IL1RAPL2: variants seen among roughly 807,000 people sequenced by gnomAD.
IL1RAPL2 encodes X-linked interleukin-1 receptor accessory protein-like 2.
A neutral mutation model predicts 44.1 loss-of-function variants in IL1RAPL2; 3 were observed. That is an observed-to-expected ratio of 0.07 (90% CI 0.03 to 0.18). IL1RAPL2 has a LOEUF of 0.18. Ranked by LOEUF, IL1RAPL2 falls within the 10% of genes least tolerant of loss-of-function variation. IL1RAPL2 has a pLI of 1.00. For synonymous variants in IL1RAPL2, 181 were observed against 178.8 expected, an observed-to-expected ratio of 1.01 and a Z score of -0.10; for missense variants, 391 against 496.4, an observed-to-expected ratio of 0.79 and a Z score of 2.02.
intron 6 of IL1RAPL2, among the ~76,000 whole-genome samples, chrX:105,645,744 CA>C (rs1285595704): frequency 8.9e-6 from 1 of 111,909 alleles, no homozygotes; most frequent in East Asian, 2.8e-4. Flanking sequence ...GTGCCTGACA[CA>C]TAATGAGTAT....
At chrX:105,168,951 A>G (rs1464062435) in intron 2 of IL1RAPL2, among the ~76,000 whole-genome samples, 1 of 111,826 alleles carries the variant, frequency 8.9e-6, no homozygotes, top group African/African-American at 3.3e-5. Context: ...ATCACAGTCA[A>G]CTAACATGAT....
At chrX:104,632,919 C>A (rs932910534) in intron 1 of IL1RAPL2, among the ~76,000 whole-genome samples, 6 of 111,107 alleles carry the variant, frequency 5.4e-5, no homozygotes, top group Admixed American at 1.9e-4. Flanking sequence ...GTCTTGTGCC[C>A]GTTTTCAAAG....
At chrX:105,225,694 A>T (rs190550114) in intron 3 of IL1RAPL2, among the ~76,000 whole-genome samples, 2,803 of 106,222 alleles carry the variant, frequency 0.026, 98 homozygotes, top group African/African-American at 0.091. Context: ...ATTTTATTTT[A>T]TTTTTTTTTC....
chrX:105,439,582 A>C (rs1317597300), intron 5 of IL1RAPL2, among the ~76,000 whole-genome samples: 1 of 110,216 alleles, frequency 9.1e-6, no homozygotes, highest in Non-Finnish European at 1.9e-5. Context: ...TACTAAGGAG[A>C]CATTAAGTTA....
chrX:104,938,853 A>G (rs1202033262), intron 2 of IL1RAPL2, among the ~76,000 whole-genome samples: 1 of 111,516 alleles, frequency 9.0e-6, no homozygotes, highest in African/African-American at 3.3e-5. Context: ...TGTCATGGGA[A>G]AATAGCATTT....
chrX:104,928,257 T>C (rs1426963574), intron 2 of IL1RAPL2, among the ~76,000 whole-genome samples: 2 of 111,801 alleles, frequency 1.8e-5, no homozygotes, highest in Non-Finnish European at 3.8e-5. Context: ...ATCTTATTAA[T>C]TTTTTCTATT....
At chrX:104,591,632 T>A (rs975021216) in intron 1 of IL1RAPL2, among the ~76,000 whole-genome samples, 1 of 109,387 alleles carries the variant, frequency 9.1e-6, no homozygotes, top group African/African-American at 3.3e-5. Flanking sequence ...TGGCTTTTTT[T>A]TTTTTTTTTG....
intron 2 of IL1RAPL2, among the ~76,000 whole-genome samples, chrX:104,898,275 C>T (rs1288580123): frequency 2.7e-5 from 3 of 111,404 alleles, no homozygotes; most frequent in Non-Finnish European, 5.7e-5. Flanking sequence ...AAGACAAGTA[C>T]AGGTCTGGTG....
At chrX:104,761,967 TTCTTC>T (rs1932463617) in intron 2 of IL1RAPL2, among the ~76,000 whole-genome samples, 1 of 86,615 alleles carries the variant, frequency 1.2e-5, no homozygotes, top group East Asian at 3.3e-4. Flanking sequence ...CTTCTTCTTC[TTCTTC>T]TTCTTCTTCT....
intron 10 of IL1RAPL2, among the ~76,000 whole-genome samples, chrX:105,757,685 A>G (rs1469466946): frequency 8.9e-6 from 1 of 111,777 alleles, no homozygotes; most frequent in African/African-American, 3.3e-5. Flanking sequence ...TGGGACAACT[A>G]TGCAGTTTTT....
chrX:104,739,758 G>A lies in IL1RAPL2; in HGVS notation c.82+80763G>A, dbSNP rs180988681. Among the ~76,000 whole-genome samples, 139 of 111,848 alleles carry A rather than the reference G, an allele frequency of 1.2e-3. 1 individual carries two copies. The highest frequency in any genetic ancestry group is 4.6e-3 in the Middle Eastern group (1 of 218). Reference sequence around the variant, plus strand: ...TTTCATGTCTTTTGTCTTACCTCCTGCAATCCATAGTCATATATTTAATAA... The same window carrying A: ...TTTCATGTCTTTTGTCTTACCTCCTACAATCCATAGTCATATATTTAATAA... On this transcript the variant is annotated intron_variant, in intron 2 of 10. Transcript: ENST00000372582.
intron 2 of IL1RAPL2, among the ~76,000 whole-genome samples, chrX:104,908,203 AC>A (rs896635693): frequency 1.4e-4 from 16 of 111,625 alleles, no homozygotes; most frequent in African/African-American, 5.2e-4. Context: ...GTGTCTCTGC[AC>A]GTGAGATGGG....
At chrX:105,561,238 A>C (rs921391965) in intron 6 of IL1RAPL2, among the ~76,000 whole-genome samples, 125 of 111,882 alleles carry the variant, frequency 1.1e-3, no homozygotes, top group African/African-American at 3.8e-3. Context: ...TGTGGATGCT[A>C]ACCATTAATA....
At chrX:104,590,084 G>T (rs992592379) in intron 1 of IL1RAPL2, among the ~76,000 whole-genome samples, 1 of 111,319 alleles carries the variant, frequency 9.0e-6, no homozygotes, top group South Asian at 3.8e-4. Context: ...TTACTCTGTC[G>T]CCCAGGCTGG....
intron 1 of IL1RAPL2, among the ~76,000 whole-genome samples, chrX:104,657,612 A>T (rs1930295766): frequency 8.9e-6 from 1 of 111,999 alleles, no homozygotes; most frequent in Non-Finnish European, 1.9e-5. Flanking sequence ...CAAAGCCAAA[A>T]TTGACAAAGG....
At chrX:104,650,129 T>A (rs957105393) in intron 1 of IL1RAPL2, among the ~76,000 whole-genome samples, 1 of 111,398 alleles carries the variant, frequency 9.0e-6, no homozygotes, top group African/African-American at 3.3e-5. Flanking sequence ...CCCTAGGGAA[T>A]CAGTAAACAC....
intron 2 of IL1RAPL2, among the ~76,000 whole-genome samples, chrX:104,659,460 A>G (rs1294402816): frequency 8.9e-6 from 1 of 111,907 alleles, no homozygotes; most frequent in Admixed American, 9.5e-5. Flanking sequence ...GTTCAGAATT[A>G]TTAGCTAATT....
rs762604524 is a variant in IL1RAPL2 at position 105,751,620 on chromosome X, ATTGT to A, written c.1192+2521_1192+2524del. On this transcript the variant is annotated intron_variant, in intron 9 of 10. Transcript: ENST00000372582. Reference sequence around the variant, plus strand: ...AATTTTATGTATTGATTCCAAATTCATTGTTTGGGGGGAAATGCAATATGGGGAG... The same window carrying A: ...AATTTTATGTATTGATTCCAAATTCATTGGGGGGAAATGCAATATGGGGAG... 7.2e-5 allele frequency among the ~76,000 whole-genome samples: 8 copies of A among 111,704 alleles called. No homozygotes were observed. The East Asian group carries it at 1.1e-3, about 16-fold the overall frequency.
chrX:104,843,518 C>T (rs967985116), intron 2 of IL1RAPL2, among the ~76,000 whole-genome samples: 1 of 111,186 alleles, frequency 9.0e-6, no homozygotes, highest in East Asian at 2.9e-4. Flanking sequence ...GTGCTTGAAA[C>T]CCAGGGCCCT....
Sources: gnomAD v4.1 joint callset for allele counts (sites outside exome capture counted in the v4.1 genomes callset) on GRCh38, gnomAD v4.1.1 for gene constraint, MANE v1.5 for transcripts, NCBI Gene and HGNC (gene_info 2026-07-23, HGNC 2026-07-21) for gene names.